The following NAV2 variants were observed in gnomAD, a reference collection of about 807,000 sequenced individuals.
NAV2 encodes the protein neuron navigator 2.
NAV2 carries 54 observed loss-of-function variants against 223.2 expected under a neutral mutation model. That is an observed-to-expected ratio of 0.24 (90% CI 0.19 to 0.30). The LOEUF (loss-of-function observed/expected upper bound fraction) is 0.30. NAV2 is among the 10% of genes least tolerant of loss of function. NAV2 has a pLI of 1.00. For synonymous variants in NAV2, 1,279 were observed against 1,239.3 expected (o/e 1.03, Z -0.67); for missense variants, 2,806 against 3,147.5 (o/e 0.89, Z 2.60).
intron 11 of NAV2, among the ~76,000 whole-genome samples, chr11:20,025,667 C>G (rs962813164): frequency 6.6e-6 from 1 of 152,224 alleles, no homozygotes; most frequent in Non-Finnish European, 1.5e-5. Context: ...TGGGGTGAAA[C>G]TCAAGCCTGA....
At chr11:19,759,555 A>G (rs1203549622) in intron 1 of NAV2, among the ~76,000 whole-genome samples, 2 of 152,214 alleles carry the variant, frequency 1.3e-5, no homozygotes, top group South Asian at 2.1e-4. Context: ...TAGTAAACAG[A>G]ATAAATCGAT....
intron 30 of NAV2, among the ~76,000 whole-genome samples, chr11:20,097,047 AC>A (rs1481136984): frequency 4.6e-5 from 7 of 152,092 alleles, no homozygotes; most frequent in African/African-American, 1.7e-4. Context: ...CTAACCTAAA[AC>A]CTTTTGTTCA....
chr11:19,780,838 T>C (rs570829027), intron 1 of NAV2, among the ~76,000 whole-genome samples: 1 of 152,284 alleles, frequency 6.6e-6, no homozygotes, highest in East Asian at 1.9e-4. Flanking sequence ...TTCCCAAAAG[T>C]CAATAGTGCC....
intron 6 of NAV2, among the ~76,000 whole-genome samples, chr11:19,914,629 C>T (rs1344454520): frequency 2.0e-5 from 3 of 151,658 alleles, no homozygotes; most frequent in Non-Finnish European, 4.4e-5. Flanking sequence ...ACTGCAAGCT[C>T]CGCTTCCCGG....
At chr11:19,692,479 C>G (rs1176089117) in intron 1 of NAV2, among the ~76,000 whole-genome samples, 1 of 152,208 alleles carries the variant, frequency 6.6e-6, no homozygotes, top group Non-Finnish European at 1.5e-5. Flanking sequence ...GACAAAACAT[C>G]CACATCTATA....
At position 19,662,949 on chromosome 11, in the gene NAV2, C is replaced by T. The variant is rs149263294; in HGVS notation, c.76-169535C>T. On this transcript the variant is annotated intron_variant, in intron 1 of 37. Coordinates refer to the NAV2 transcript ENST00000360655. ...GTTAGCTTGAGTGCCACATTCCATG[C>T]CTCGTGGAGGTCCAAAGCCCTCCCC... 8.0e-4 allele frequency among the ~76,000 whole-genome samples: 122 copies of T among 152,316 alleles called. 1 individual carries two copies. Among genetic ancestry groups the T allele is most frequent in the African/African-American group, 1.5e-3 (64 of 41,564 alleles).
At chr11:19,425,169 G>A (rs77304879) in intron 1 of NAV2, among the ~76,000 whole-genome samples, 7,599 of 152,300 alleles carry the variant, frequency 0.05, 262 homozygotes, top group Non-Finnish European at 0.077. Context: ...GAATAGTTCA[G>A]TGAAGAGATT....
chr11:19,755,241 G>A (rs2054140363), intron 1 of NAV2, among the ~76,000 whole-genome samples: 1 of 152,192 alleles, frequency 6.6e-6, no homozygotes, highest in African/African-American at 2.4e-5. Context: ...ATTTTACAGA[G>A]TAGACAACTA....
chr11:19,523,965 A>G (rs1163315277), intron 1 of NAV2, among the ~76,000 whole-genome samples: 1 of 152,200 alleles, frequency 6.6e-6, no homozygotes, highest in Non-Finnish European at 1.5e-5. Context: ...GATTTAGCCC[A>G]GGTGTTTTCT....
intron 10 of NAV2, among the ~76,000 whole-genome samples, chr11:19,956,365 TAC>T (rs113677958): frequency 0.014 from 1,428 of 103,498 alleles, 12 homozygotes; most frequent in African/African-American, 0.021. Context: ...CCGACACACA[TAC>T]ACACACACAC....
At chr11:19,697,142 C>A (rs899721929) in intron 1 of NAV2, among the ~76,000 whole-genome samples, 1 of 152,186 alleles carries the variant, frequency 6.6e-6, no homozygotes, top group Non-Finnish European at 1.5e-5. Context: ...ATGGGTGGAG[C>A]TGGAGGTCAT....
Position 19,933,125 on chromosome 11 carries a change from C to T in NAV2, c.932-51C>T. 1 of 1,472,744 alleles carries T rather than the reference C, an allele frequency of 6.8e-7. No individual in the cohort carries two copies. The highest frequency in any genetic ancestry group is 1.6e-5 in the South Asian group (1 of 63,638). 91.2% of individuals were successfully genotyped at this position (1,472,744 alleles called of 1,614,324 possible). On this transcript the variant is annotated intron_variant, in intron 6 of 37. Coordinates refer to ENST00000349880, the MANE Select transcript of NAV2 (RefSeq NM_145117.5). The surrounding 1 kb of genome is among the most constrained non-coding windows in gnomAD (Gnocchi z 4.3). ...GCCATGGCTGACCCTCCCTGGTCTT[C>T]AGTGCAGGTCAACAAGTATGATTCA...
chr11:20,056,663 A>G (rs1255984931), intron 19 of NAV2: 13 of 1,385,194 alleles, frequency 9.4e-6, no homozygotes, highest in South Asian at 3.5e-5. Context: ...GGAGGATATC[A>G]TCCCCACCCC....
rs747653091 is a variant in NAV2, at chr11:19,933,200, C to G, written c.956C>G (p.Ser319Cys). 4.5e-5 allele frequency: 70 copies of G among 1,542,286 alleles called. No homozygotes were observed. Among genetic ancestry groups the G allele is most frequent in the Non-Finnish European group, 6.1e-5 (70 of 1,142,666 alleles). ...EKEPLASSASSHPGMSDNAPA... is the reference protein window; with the variant it reads ...EKEPLASSASCHPGMSDNAPA... ...GAGCCTTTGGCAAGTTCAGCCTCCTCCCACCCCGGAATGAGTGACAATGCA... is the reference window on the plus strand; with the variant it reads ...GAGCCTTTGGCAAGTTCAGCCTCCTGCCACCCCGGAATGAGTGACAATGCA... Residue 319 changes from serine (S) to cysteine (C), a missense_variant, in exon 7 of 38, where the codon TCC (serine) becomes TGC (cysteine). Around this residue, in one of 4 missense-constraint regions of NAV2, gnomAD observed 1,167 missense variants for 1,180.5 expected, o/e 0.99. Transcript: ENST00000349880. This position sits in a 1 kb window ranked among gnomAD's most constrained non-coding sequence, Gnocchi z 4.3.
intron 1 of NAV2, among the ~76,000 whole-genome samples, chr11:19,453,191 C>T (rs575052471): frequency 1.8e-4 from 28 of 152,304 alleles, no homozygotes; most frequent in African/African-American, 5.1e-4. Flanking sequence ...GCAGACACCT[C>T]GTGTTTTTTG....
chr11:19,579,122 T>G (rs757317432), intron 1 of NAV2, among the ~76,000 whole-genome samples: 1 of 152,214 alleles, frequency 6.6e-6, no homozygotes, highest in Non-Finnish European at 1.5e-5. Context: ...GCTCAGTGCC[T>G]GACTTAATGT....
chr11:20,025,658 G>A (rs1234895284), intron 11 of NAV2, among the ~76,000 whole-genome samples: 1 of 152,200 alleles, frequency 6.6e-6, no homozygotes, highest in Non-Finnish European at 1.5e-5. Context: ...AAGGTGCGGT[G>A]GGGTGAAACT....
At chr11:19,921,045 C>G (rs1372988) in intron 6 of NAV2, among the ~76,000 whole-genome samples, 87,125 of 151,952 alleles carry the variant, frequency 0.57, 25,353 homozygotes, top group East Asian at 0.74. Flanking sequence ...TTCTATCTCA[C>G]TATGTTTCAT....
intron 1 of NAV2, among the ~76,000 whole-genome samples, chr11:19,725,371 G>T (rs755440638): frequency 6.6e-6 from 1 of 152,190 alleles, no homozygotes; most frequent in Non-Finnish European, 1.5e-5. Context: ...GGGGAAGAGA[G>T]ACACATGCAA....
Sources: allele counts gnomAD v4.1 joint callset (sites outside exome capture counted in the v4.1 genomes callset), GRCh38; gene constraint gnomAD v4.1.1; regional missense constraint gnomAD v4.1.1; non-coding constraint Gnocchi (gnomAD v3.1); transcripts MANE v1.5; gene names NCBI Gene and HGNC (gene_info 2026-07-23, HGNC 2026-07-21).